Variants in UTP20 observed in about 807,000 individuals in gnomAD.
UTP20 encodes the protein small subunit processome component 20 homolog.
In UTP20, 164 loss-of-function variants were observed where a neutral mutation model predicts 329.5. That is an observed-to-expected ratio of 0.50 (90% CI 0.44 to 0.57). UTP20 has a LOEUF of 0.57. UTP20 is among the 20% of genes least tolerant of loss of function. The pLI, the probability that UTP20 is intolerant of heterozygous loss-of-function variation, is 0.00. For synonymous variants in UTP20, 1,151 were observed against 1,159.3 expected, an observed-to-expected ratio of 0.99 and a Z score of 0.14; for missense variants, 3,055 against 3,284.2, an observed-to-expected ratio of 0.93 and a Z score of 1.71.
At position 101,352,106 on chromosome 12, in the gene UTP20, C is replaced by T. The variant is rs1414433334; in HGVS notation, c.4936C>T (p.His1646Tyr). 1 of 1,614,020 alleles carries T rather than the reference C, an allele frequency of 6.2e-7. No individual in the cohort carries two copies. The highest frequency in any genetic ancestry group is 1.7e-5 in the Admixed American group (1 of 60,004). ...AGAGATTATTGGAGCCATTTGCAAA[C>T]ATCTCTCTTGGTCAGCGTATATGTA... ...ATEIIGAICK[H>Y]LSWSAYMYYL... The change falls in exon 39 of 62, where the codon CAT (histidine) becomes TAT (tyrosine). Residue 1646 changes from histidine to tyrosine, a missense_variant. This residue lies in a region of UTP20 where 2,445 missense variants were observed against 2,575.5 expected (regional missense o/e 0.95). Transcript: ENST00000261637.
chr12:101,293,848 G>A (rs1872253239), intron 11 of UTP20, among the ~76,000 whole-genome samples: 2 of 151,766 alleles, frequency 1.3e-5, no homozygotes, highest in African/African-American at 4.8e-5. Flanking sequence ...TTTAACAACT[G>A]CATTTTTCCT....
chr12:101,287,966 G>A (rs774985857), intron 5 of UTP20, among the ~76,000 whole-genome samples: 2 of 152,198 alleles, frequency 1.3e-5, no homozygotes, highest in Non-Finnish European at 2.9e-5. Context: ...GTAGTAAGGC[G>A]CCAGATCATC....
rs1405899975 is a variant in UTP20 at position 101,293,233 on chromosome 12, G to A, written c.1239G>A (p.Lys413=). The A allele has an allele frequency of 7.4e-6, 12 of 1,613,996 alleles. No homozygotes were observed. The East Asian group carries it at 2.2e-4, about 30-fold the overall frequency. ...FSFSEVMFAM[K]QFEQLFLPSF... ...TTTCTGAAGTCATGTTTGCCATGAA[G>A]CAGTTTGAGCAGGTAAGCAAGTTAC... Residue 413 remains lysine (K), a synonymous_variant, in exon 11 of 62, where the codon AAG becomes AAA. Coordinates refer to ENST00000261637, the MANE Select transcript of UTP20 (RefSeq NM_014503.3).
chr12:101,286,634 C>A, intron 5 of UTP20, 125 bp downstream of exon 5: 3 of 747,132 alleles, frequency 4.0e-6, no homozygotes, highest in Non-Finnish European at 5.8e-6. Context: ...GTTGATTCTC[C>A]AGCCAAAGTG....
Position 101,295,460 on chromosome 12 carries a change from T to C in UTP20, c.1252-20T>C. 1 of 1,542,274 alleles carries C rather than the reference T, an allele frequency of 6.5e-7. No individual in the cohort carries two copies. Among genetic ancestry groups the C allele is most frequent in the South Asian group, 1.2e-5 (1 of 84,540 alleles). On this transcript the variant is annotated intron_variant, in intron 11 of 61. Transcript: ENST00000261637. ...TATTATATCTGTTAATAAGTGTGATTTTTTTTTTCTTAACTTTAGCTTTTT... is the reference window on the plus strand; with the variant it reads ...TATTATATCTGTTAATAAGTGTGATCTTTTTTTTCTTAACTTTAGCTTTTT...
In UTP20 at chr12:101,331,896, T is replaced by G. The variant is rs571050010; in HGVS notation, c.3418-1405T>G. ...AATCTTCTCCCATTTGTTTTTTTTT[T>G]TTTTTAACATTCTGTGCTAGGGAAA... On this transcript the variant is annotated intron_variant, in intron 27 of 61. Transcript: ENST00000261637. Among the ~76,000 whole-genome samples, 21 of 152,250 alleles carry G rather than the reference T, an allele frequency of 1.4e-4. No homozygotes were observed. In the East Asian group the frequency reaches 1.5e-3, roughly 11 times the overall value.
chr12:101,312,004 T>C (rs773561645), intron 20 of UTP20, 32 bp from the exon 21 acceptor site: 2 of 1,613,274 alleles, frequency 1.2e-6, no homozygotes, highest in Non-Finnish European at 1.7e-6. Flanking sequence ...TTGATATTTG[T>C]CTGGTGGTTA....
intron 5 of UTP20, among the ~76,000 whole-genome samples, chr12:101,287,223 C>T (rs1261503535): frequency 6.6e-6 from 1 of 152,126 alleles, no homozygotes; most frequent in Non-Finnish European, 1.5e-5. Flanking sequence ...TTTTATGCCA[C>T]CCGTTTCACT....
intron 42 of UTP20, 54 bp downstream of exon 42, chr12:101,356,747 CT>C: frequency 6.4e-7 from 1 of 1,566,982 alleles, no homozygotes; most frequent in Non-Finnish European, 8.6e-7. Flanking sequence ...TGGTTCTTTT[CT>C]TCCTTACTTT....
chr12:101,370,285 A>G (rs1870240943), intron 49 of UTP20, 147 bp from the exon 50 acceptor site: 1 of 980,744 alleles, frequency 1.0e-6, no homozygotes, highest in African/African-American at 1.6e-5. Context: ...TTATGGCCAA[A>G]ATTTTTTCCA....
Position 101,308,276 on chromosome 12 carries a change from T to C in UTP20, c.2087T>C (p.Leu696Pro). The C allele has an allele frequency of 6.2e-7, 1 of 1,613,040 alleles. No individual in the cohort carries two copies. Among genetic ancestry groups the C allele is most frequent in the Non-Finnish European group, 8.5e-7 (1 of 1,179,546 alleles). ...PATVNDYREKLLHLRKLRHDV... is the reference protein window; with the variant it reads ...PATVNDYREKPLHLRKLRHDV... ...ACTGTGAATGATTATAGAGAGAAGC[T>C]TCTTCATTTGAGAAAACTAAGACAT... The change falls in exon 18 of 62, where the codon CTT (leucine) becomes CCT (proline). Residue 696 changes from leucine to proline, a missense_variant. Coordinates refer to ENST00000261637, the MANE Select transcript of UTP20 (RefSeq NM_014503.3).
At position 101,280,982 on chromosome 12, in the gene UTP20, G is replaced by C. The variant is rs79625615; in HGVS notation, c.46-134G>C. On this transcript the variant is annotated intron_variant, in intron 1 of 61. Coordinates refer to ENST00000261637, the MANE Select transcript of UTP20 (RefSeq NM_014503.3). ...ACAGTGATGCAGTAAATTTGTTTAC[G>C]GCCGTATGTTTTTCAGTTTATTTTT... 131 of 668,266 alleles carry C rather than the reference G, an allele frequency of 2.0e-4. No homozygotes were observed. In the East Asian group the frequency reaches 3.0e-3, roughly 15 times the overall value. 41.4% of individuals were successfully genotyped at this position (668,266 alleles called of 1,614,324 possible). A position where few individuals can be genotyped will look rare whatever the true frequency, so the allele number is the denominator to read the frequency against.
rs375009784 is a variant in UTP20, at chr12:101,280,250, G to A, written c.-33G>A. ...TCGGTTGCATCCCTTCGACACTCCC[G>A]AGGCCGTCGCGGGCCACTGGCCCTC... On this transcript the variant is annotated 5_prime_UTR_variant, in exon 1 of 62. Transcript: ENST00000261637. 2.1e-5 allele frequency: 32 copies of A among 1,551,328 alleles called. No homozygotes were observed. The African/African-American group carries it at 4.1e-4, about 20-fold the overall frequency.
At chr12:101,341,658 G>A (rs546108595) in intron 32 of UTP20, among the ~76,000 whole-genome samples, 113 of 152,264 alleles carry the variant, frequency 7.4e-4, no homozygotes, top group African/African-American at 1.6e-3. Context: ...TGTAATCCCC[G>A]CACTTTGGGA....
chr12:101,314,237 G>A (rs1050551699), intron 21 of UTP20, among the ~76,000 whole-genome samples: 1 of 152,208 alleles, frequency 6.6e-6, no homozygotes, highest in African/African-American at 2.4e-5. Flanking sequence ...ACTCAGATGT[G>A]TCTGAAAAGT....
Position 101,381,231 on chromosome 12 carries a change from C to G in UTP20, c.7656+20C>G. 6.2e-7 allele frequency: 1 copy of G among 1,603,672 alleles called. No individual in the cohort carries two copies. The highest frequency in any genetic ancestry group is 8.5e-7 in the Non-Finnish European group (1 of 1,170,706). Reference sequence around the variant, plus strand: ...GAACAGGTAAGAATTGTAGTTCTCCCAGTTTAAAAGAAGGGGCCGGCTGGG... The same window carrying G: ...GAACAGGTAAGAATTGTAGTTCTCCGAGTTTAAAAGAAGGGGCCGGCTGGG... On this transcript the variant is annotated intron_variant, in intron 58 of 61. Coordinates refer to ENST00000261637, the MANE Select transcript of UTP20 (RefSeq NM_014503.3).
intron 38 of UTP20, among the ~76,000 whole-genome samples, chr12:101,346,960 T>C (rs972339318): frequency 6.6e-6 from 1 of 152,244 alleles, no homozygotes; most frequent in Non-Finnish European, 1.5e-5. Flanking sequence ...AATAGTAGGT[T>C]ATCATTAACA....
At position 101,346,572 on chromosome 12, in the gene UTP20, A is replaced by C; in HGVS notation, c.4868A>C (p.Asp1623Ala). The C allele has an allele frequency of 6.2e-7, 1 of 1,600,182 alleles. No individual in the cohort carries two copies. Among genetic ancestry groups the C allele is most frequent in the Non-Finnish European group, 8.5e-7 (1 of 1,174,974 alleles). The change falls in exon 38 of 62, where the codon GAT becomes GCT. Residue 1623 changes from aspartate (D) to alanine (A), a missense_variant. Asp to Ala is a moderately radical substitution (Grantham distance 126). This residue lies in a region of UTP20 where 2,445 missense variants were observed against 2,575.5 expected (regional missense o/e 0.95). Coordinates refer to ENST00000261637, the MANE Select transcript of UTP20 (RefSeq NM_014503.3). ...IMPYAMTPIF[D>A]EKMLKHENIT... ...CCTTATGCCATGACTCCAATTTTTG[A>C]TGAGAAAATGCTCAAGGTAGGTCAT...
chr12:101,321,458 G>A (rs779579500), intron 24 of UTP20, 46 bp from the exon 25 acceptor site: 10 of 1,604,782 alleles, frequency 6.2e-6, no homozygotes, highest in Non-Finnish European at 8.5e-6. Flanking sequence ...TTATTCAAAA[G>A]CACTGTTGAT....
Sources: allele counts gnomAD v4.1 joint callset (sites outside exome capture counted in the v4.1 genomes callset), GRCh38; gene constraint gnomAD v4.1.1; regional missense constraint gnomAD v4.1.1; transcripts MANE v1.5; gene names NCBI Gene and HGNC (gene_info 2026-07-23, HGNC 2026-07-21).